Variants in LDB2 observed in about 807,000 individuals in gnomAD.
LDB2 encodes the protein LIM domain-binding protein 2.
In LDB2, 12 loss-of-function variants were observed where a neutral mutation model predicts 44.3. The observed-to-expected ratio is 0.27, with a 90% CI of 0.17 to 0.44. The LOEUF (loss-of-function observed/expected upper bound fraction) is 0.44, where lower values mean the gene tolerates loss of function less well. Ranked by LOEUF, LDB2 falls within the 20% of genes least tolerant of loss-of-function variation. LDB2 has a pLI of 1.00. For missense variants in LDB2, 344 were observed against 473.5 expected, an observed-to-expected ratio of 0.73 and a Z score of 2.54; for synonymous variants, 164 against 174.8, an observed-to-expected ratio of 0.94 and a Z score of 0.49.
chr4:16,726,006 T>G (rs551184431), intron 2 of LDB2, among the ~76,000 whole-genome samples: 1 of 150,164 alleles, frequency 6.7e-6, no homozygotes, highest in Admixed American at 6.7e-5. Context: ...TTATATATAA[T>G]TTTTATGTGC....
intron 1 of LDB2, among the ~76,000 whole-genome samples, chr4:16,778,479 C>T (rs1772444389): frequency 1.3e-5 from 2 of 152,186 alleles, no homozygotes; most frequent in African/African-American, 2.4e-5. Context: ...CCACTGCCAC[C>T]ATCTCTCCGC....
chr4:16,835,186 C>T (rs901523666), intron 1 of LDB2, among the ~76,000 whole-genome samples: 24 of 152,146 alleles, frequency 1.6e-4, no homozygotes, highest in African/African-American at 5.3e-4. Context: ...CTCAAGTTTA[C>T]AATTTGAGTT....
intron 5 of LDB2, among the ~76,000 whole-genome samples, chr4:16,551,468 G>C (rs1296552405): frequency 6.6e-6 from 1 of 151,834 alleles, no homozygotes; most frequent in African/African-American, 2.4e-5. Context: ...AAAGTCCTCT[G>C]TAAGTATTTG....
intron 2 of LDB2, among the ~76,000 whole-genome samples, chr4:16,617,342 A>G (rs548910373): frequency 6.6e-6 from 1 of 152,326 alleles, no homozygotes; most frequent in South Asian, 2.1e-4. Context: ...GAACAAAAAC[A>G]TAAAATTCAA....
intron 1 of LDB2, among the ~76,000 whole-genome samples, chr4:16,866,271 C>T (rs1235382487): frequency 6.6e-6 from 1 of 152,068 alleles, no homozygotes; most frequent in Non-Finnish European, 1.5e-5. Flanking sequence ...CACTTATAAA[C>T]TACATTGGAA....
At position 16,636,216 on chromosome 4, in the gene LDB2, G is replaced by A. The variant is rs769685443; in HGVS notation, c.236-40341C>T. ...AAGGCTCAGGGAGCTGCGGTGGCCT[G>A]CTTAGGACCACACCACAACGTCAGT... On this transcript the variant is annotated intron_variant, in intron 2 of 7. Coordinates refer to ENST00000304523, the MANE Select transcript of LDB2 (RefSeq NM_001290.5). Among the ~76,000 whole-genome samples the A allele has an allele frequency of 5.3e-5, 8 of 152,332 alleles. No individual in the cohort carries two copies. The East Asian group carries it at 5.8e-4, about 11-fold the overall frequency.
At chr4:16,759,802 TTGTCACATATATATGGAC>T (rs2109215561) in intron 1 of LDB2, among the ~76,000 whole-genome samples, 1 of 152,334 alleles carries the variant, frequency 6.6e-6, no homozygotes, top group South Asian at 2.1e-4. Context: ...ACACAAGCGA[TTGTCACATATATATGGAC>T]TGTTCTTGAT....
chr4:16,562,717 T>C (rs1175549641), intron 5 of LDB2, among the ~76,000 whole-genome samples: 2 of 152,208 alleles, frequency 1.3e-5, no homozygotes, highest in African/African-American at 2.4e-5. Flanking sequence ...CATTACTGGG[T>C]ACATACCCAA....
intron 6 of LDB2, among the ~76,000 whole-genome samples, chr4:16,510,598 C>A (rs1721364185): frequency 6.6e-6 from 1 of 152,150 alleles, no homozygotes; most frequent in Non-Finnish European, 1.5e-5. Flanking sequence ...CAGTAGGTGG[C>A]TGTGGTAGTA....
intron 2 of LDB2, among the ~76,000 whole-genome samples, chr4:16,602,212 C>T (rs1031970890): frequency 6.6e-6 from 1 of 152,060 alleles, no homozygotes; most frequent in Non-Finnish European, 1.5e-5. Context: ...AGTAAGGAGA[C>T]AGAGAATAAA....
intron 1 of LDB2, among the ~76,000 whole-genome samples, chr4:16,804,389 T>C (rs1174975943): frequency 6.6e-6 from 1 of 152,168 alleles, no homozygotes; most frequent in African/African-American, 2.4e-5. Context: ...GTAAATGAGA[T>C]GCAAAATGAC....
chr4:16,591,641 G>T (rs1408073599), intron 3 of LDB2, among the ~76,000 whole-genome samples: 1 of 152,054 alleles, frequency 6.6e-6, no homozygotes, highest in African/African-American at 2.4e-5. Context: ...TCCACACCCT[G>T]TACCCAGCAT....
intron 2 of LDB2, among the ~76,000 whole-genome samples, chr4:16,603,800 A>ACG (rs1324842572): frequency 6.6e-6 from 1 of 152,194 alleles, no homozygotes; most frequent in Non-Finnish European, 1.5e-5. Flanking sequence ...ATCTTCCTAT[A>ACG]AAGGAATACG....
chr4:16,840,742 T>C (rs552692448), intron 1 of LDB2, among the ~76,000 whole-genome samples: 2 of 152,308 alleles, frequency 1.3e-5, no homozygotes, highest in African/African-American at 4.8e-5. Flanking sequence ...TCAAATGTAT[T>C]ATAGCACTTG....
intron 5 of LDB2, among the ~76,000 whole-genome samples, chr4:16,548,039 AC>A (rs1460235247): frequency 6.6e-6 from 1 of 151,712 alleles, no homozygotes; most frequent in Non-Finnish European, 1.5e-5. Context: ...GCTCACTGCA[AC>A]CTCTGCCTCC....
At chr4:16,674,686 G>T (rs1253185917) in intron 2 of LDB2, among the ~76,000 whole-genome samples, 3 of 152,090 alleles carry the variant, frequency 2.0e-5, no homozygotes, top group African/African-American at 7.2e-5. Context: ...TACATCAGTT[G>T]GGATCTATGA....
At chr4:16,670,832 T>C (rs1744544141) in intron 2 of LDB2, among the ~76,000 whole-genome samples, 1 of 152,102 alleles carries the variant, frequency 6.6e-6, no homozygotes, top group Admixed American at 6.5e-5. Flanking sequence ...TAATAAGGGG[T>C]ATGTGAATTA....
At position 16,828,638 on chromosome 4, in the gene LDB2, G is replaced by A. The variant is rs867165452; in HGVS notation, c.133-69378C>T. On this transcript the variant is annotated intron_variant, in intron 1 of 7. Transcript: ENST00000304523. ...ACACCTATCATGTGATAGATATTGG[G>A]AGATAGTATAGTGATAAAGGAAAGA... 2.8e-4 allele frequency among the ~76,000 whole-genome samples: 42 copies of A among 152,200 alleles called. No homozygotes were observed. The Middle Eastern group carries it at 0.014, about 50-fold the overall frequency.
chr4:16,605,322 A>T (rs976799178), intron 2 of LDB2, among the ~76,000 whole-genome samples: 33 of 152,226 alleles, frequency 2.2e-4, no homozygotes, highest in Admixed American at 2.1e-3. Flanking sequence ...TTCCACGATC[A>T]GAGAAGTAAA....
Sources: gnomAD v4.1 joint callset for allele counts (sites outside exome capture counted in the v4.1 genomes callset) on GRCh38, gnomAD v4.1.1 for gene constraint, MANE v1.5 for transcripts, NCBI Gene and HGNC (gene_info 2026-07-23, HGNC 2026-07-21) for gene names.